The following WDR7 variants were observed in gnomAD, a reference collection of about 807,000 sequenced individuals.
WDR7 encodes the protein WD repeat-containing protein 7.
Under a neutral mutation model 169.4 loss-of-function variants are expected in WDR7, and 46 were observed. The observed-to-expected ratio is 0.27, with a 90% CI of 0.21 to 0.35. The LOEUF is 0.35. Among genes scored for constraint, WDR7 ranks in the 10% least tolerant of loss-of-function variants. The probability of loss-of-function intolerance (pLI) is 1.00; values close to 1 mark genes in which losing one functional copy is unlikely to be tolerated. For missense variants in WDR7, 1,534 were observed against 1,859.3 expected, an observed-to-expected ratio of 0.83 and a Z score of 3.22; for synonymous variants, 612 against 666.8, an observed-to-expected ratio of 0.92 and a Z score of 1.27.
chr18:56,682,387 GA>G (rs1205425920), intron 4 of WDR7, among the ~76,000 whole-genome samples: 1 of 152,174 alleles, frequency 6.6e-6, no homozygotes, highest in Non-Finnish European at 1.5e-5. Context: ...TTAGATGCTA[GA>G]GGGGGATAAA....
intron 21 of WDR7, among the ~76,000 whole-genome samples, chr18:56,910,265 T>C (rs2046534726): frequency 6.6e-6 from 1 of 152,212 alleles, no homozygotes; most frequent in South Asian, 2.1e-4. Flanking sequence ...AAATAAATAT[T>C]TCCTGATAAT....
chr18:57,015,464 T>C (rs530377717), intron 26 of WDR7, among the ~76,000 whole-genome samples: 167 of 152,310 alleles, frequency 1.1e-3, no homozygotes, highest in African/African-American at 3.2e-3. Context: ...TCCTGGAACA[T>C]AATTAATTCT....
At chr18:56,907,251 T>C (rs1715458914) in intron 21 of WDR7, among the ~76,000 whole-genome samples, 1 of 152,216 alleles carries the variant, frequency 6.6e-6, no homozygotes, top group South Asian at 2.1e-4. Flanking sequence ...AATTCTTTCA[T>C]TCCACAAATA....
intron 1 of WDR7, among the ~76,000 whole-genome samples, chr18:56,671,761 C>T (rs1332784640): frequency 6.6e-6 from 1 of 152,112 alleles, no homozygotes; most frequent in Non-Finnish European, 1.5e-5. Context: ...CTTTGTGCCT[C>T]AGTGTCTTTG....
rs1396890663 is a variant in WDR7 at position 56,785,368 on chromosome 18, G to T, written c.3190+3712G>T. On this transcript the variant is annotated intron_variant, in intron 19 of 27. Transcript: ENST00000254442. The stretch of plus-strand genomic sequence containing the variant: ...TAGCATAAGAATCTTCTTTGAAAAT[G>T]GGCAAAATATTAAACAATATATCTG... Among the ~76,000 whole-genome samples, 10 of 152,272 alleles carry T rather than the reference G, an allele frequency of 6.6e-5. No homozygotes were observed. The East Asian group carries it at 1.7e-3, about 26-fold the overall frequency.
At chr18:56,868,214 G>A (rs902941617) in intron 20 of WDR7, among the ~76,000 whole-genome samples, 29 of 151,856 alleles carry the variant, frequency 1.9e-4, no homozygotes, top group Non-Finnish European at 1.5e-5. Context: ...TACTCCAAAC[G>A]AACCTTTAAA....
chr18:56,735,953 G>A (rs80232968), intron 14 of WDR7, among the ~76,000 whole-genome samples: 2 of 152,114 alleles, frequency 1.3e-5, no homozygotes, highest in Non-Finnish European at 2.9e-5. Flanking sequence ...TATCACGATC[G>A]TAAGTACAGT....
intron 22 of WDR7, among the ~76,000 whole-genome samples, chr18:56,925,022 C>G (rs1021275294): frequency 2.0e-5 from 3 of 152,190 alleles, no homozygotes; most frequent in Admixed American, 1.3e-4. Flanking sequence ...ATAAACAGAA[C>G]CATACAAACT....
Position 56,834,468 on chromosome 18 carries a change from T to G in WDR7, c.3304+18324T>G, listed in dbSNP as rs548882726. Among the ~76,000 whole-genome samples the G allele has an allele frequency of 5.9e-5, 9 of 152,144 alleles. No homozygotes were observed. The South Asian group carries it at 1.9e-3, about 32-fold the overall frequency. ...TTTCGTTCCTTCCATATTTTGCTTG[T>G]TTTGTTTGTGTGATAGAGCAAGAGA... On this transcript the variant is annotated intron_variant, in intron 20 of 27. Coordinates refer to ENST00000254442, the MANE Select transcript of WDR7 (RefSeq NM_015285.3).
intron 14 of WDR7, among the ~76,000 whole-genome samples, chr18:56,739,043 AC>A (rs1292052341): frequency 6.6e-6 from 1 of 151,322 alleles, no homozygotes; most frequent in Non-Finnish European, 1.5e-5. Flanking sequence ...TTCTTTATAA[AC>A]CTTTTATCTC....
At chr18:56,991,346 C>T (rs552297197) in intron 26 of WDR7, among the ~76,000 whole-genome samples, 6 of 152,154 alleles carry the variant, frequency 3.9e-5, no homozygotes, top group South Asian at 2.1e-4. Flanking sequence ...CGGGTTTCAC[C>T]GTGTTAGCCA....
At chr18:56,950,538 G>C (rs1379782106) in intron 25 of WDR7, among the ~76,000 whole-genome samples, 1 of 152,190 alleles carries the variant, frequency 6.6e-6, no homozygotes, top group Non-Finnish European at 1.5e-5. Flanking sequence ...GAGAACCACT[G>C]ATGTAGTGAA....
chr18:56,948,093 A>G (rs1035915840), intron 25 of WDR7, among the ~76,000 whole-genome samples: 1 of 152,110 alleles, frequency 6.6e-6, no homozygotes, highest in Non-Finnish European at 1.5e-5. Context: ...TCTTCAGAGC[A>G]AAAATTAGAT....
At chr18:56,690,741 G>A (rs767835482) in intron 7 of WDR7, among the ~76,000 whole-genome samples, 2 of 152,070 alleles carry the variant, frequency 1.3e-5, no homozygotes, top group Non-Finnish European at 2.9e-5. Flanking sequence ...CTTGAGCCCA[G>A]GAGTTTGAGG....
At chr18:56,720,577 TG>T (rs2026299987) in intron 13 of WDR7, among the ~76,000 whole-genome samples, 1 of 152,238 alleles carries the variant, frequency 6.6e-6, no homozygotes, top group African/African-American at 2.4e-5. Context: ...ATCATTTTTC[TG>T]AACTTTTCTG....
At chr18:56,977,403 C>A (rs575692267) in intron 26 of WDR7, among the ~76,000 whole-genome samples, 2 of 152,164 alleles carry the variant, frequency 1.3e-5, no homozygotes, top group Non-Finnish European at 2.9e-5. Context: ...CGGCTCTGAT[C>A]CATTCTGGCA....
chr18:56,887,667 A>G (rs1422971742), intron 21 of WDR7, among the ~76,000 whole-genome samples: 2 of 146,652 alleles, frequency 1.4e-5, no homozygotes, highest in Non-Finnish European at 1.5e-5. Flanking sequence ...CCATTAACCT[A>G]TTTTTTTTTT....
chr18:56,708,662 C>T (rs181869576), intron 12 of WDR7, among the ~76,000 whole-genome samples: 240 of 152,068 alleles, frequency 1.6e-3, no homozygotes, highest in African/African-American at 5.4e-3. Flanking sequence ...AGGTCAGGCG[C>T]GGTGGCTGAC....
intron 13 of WDR7, among the ~76,000 whole-genome samples, chr18:56,726,032 GTACCATGCTGTTTTGGT>G (rs1422288125): frequency 1.3e-5 from 2 of 152,182 alleles, no homozygotes; most frequent in Non-Finnish European, 2.9e-5. Context: ...TTTGATATCA[GTACCATGCTGTTTTGGT>G]TACTGTAGCC....
Sources: gnomAD v4.1 joint callset for allele counts (sites outside exome capture counted in the v4.1 genomes callset) on GRCh38, gnomAD v4.1.1 for gene constraint, MANE v1.5 for transcripts, NCBI Gene and HGNC (gene_info 2026-07-23, HGNC 2026-07-21) for gene names.